Variants in ASB15 observed in about 807,000 individuals in gnomAD.
ASB15 encodes ankyrin repeat and SOCS box containing 15.
Under a neutral mutation model 58.0 loss-of-function variants are expected in ASB15, and 54 were observed. That is an observed-to-expected ratio of 0.93 (90% CI 0.75 to 1.17). The LOEUF is 1.17. Ranked by LOEUF, ASB15 falls within the 50% of genes most tolerant of loss-of-function variation. The pLI is 0.00. For synonymous variants in ASB15, 249 were observed against 262.4 expected (o/e 0.95, Z 0.50); for missense variants, 680 against 707.4 (o/e 0.96, Z 0.44).
chr7:123,580,559 G>A (rs998150092), intron 1 of ASB15, among the ~76,000 whole-genome samples: 2 of 152,008 alleles, frequency 1.3e-5, no homozygotes, highest in Non-Finnish European at 2.9e-5. Context: ...AATGCCATGA[G>A]GTTAAATGAG....
upstream of ASB15, among the ~76,000 whole-genome samples, chr7:123,599,098 A>G (rs1799792370): frequency 6.6e-6 from 1 of 152,220 alleles, no homozygotes; most frequent in Non-Finnish European, 1.5e-5. Flanking sequence ...ACTGACCCCA[A>G]GGCCAAAATA....
At position 123,616,281 on chromosome 7, in the gene ASB15, G is replaced by T. The variant is rs1800810754; in HGVS notation, c.160+8G>T. 6 of 1,609,706 alleles carry T rather than the reference G, an allele frequency of 3.7e-6. No homozygotes were observed. The highest frequency in any genetic ancestry group is 1.7e-5 in the Admixed American group (1 of 59,944). Reference sequence around the variant, plus strand: ...TGGAGGCCATAAAACAAGGTAAATGGGTGTACTATCTACAGTGGGATGGAC... The same window carrying T: ...TGGAGGCCATAAAACAAGGTAAATGTGTGTACTATCTACAGTGGGATGGAC... On this transcript the variant is annotated splice_region_variant and intron_variant, in intron 5 of 11. Transcript: ENST00000451215.
chr7:123,589,702 T>C (rs1799479814), intron 1 of ASB15, among the ~76,000 whole-genome samples: 1 of 152,178 alleles, frequency 6.6e-6, no homozygotes, highest in Non-Finnish European at 1.5e-5. Flanking sequence ...TGCCACATTT[T>C]CTTTATCCAG....
rs368912526 is a variant in ASB15, at chr7:123,574,364, C to G, written c.-443+7276C>G. On this transcript the variant is annotated intron_variant, in intron 1 of 13. Transcript: ENST00000451558. ...CAAATTTTAGTATATGTCGGAATCA[C>G]CTGAGGACTTGTTAAAACACAGATT... is the stretch of plus-strand genomic sequence containing the variant. Among the ~76,000 whole-genome samples, 9 of 152,250 alleles carry G rather than the reference C, an allele frequency of 5.9e-5. No individual in the cohort carries two copies. The East Asian group carries it at 9.7e-4, about 16-fold the overall frequency.
At chr7:123,634,938 A>G (rs34030532) in intron 11 of ASB15, among the ~76,000 whole-genome samples, 64,755 of 151,948 alleles carry the variant, frequency 0.43, 14,208 homozygotes, top group South Asian at 0.65. Flanking sequence ...AGTAGAGGAG[A>G]CAGTGGGACA....
intron 7 of ASB15, among the ~76,000 whole-genome samples, chr7:123,619,389 A>G (rs1204525729): frequency 6.6e-6 from 1 of 152,140 alleles, no homozygotes; most frequent in Non-Finnish European, 1.5e-5. Context: ...GTAAATCTGT[A>G]AAGACTTCAA....
At chr7:123,571,995 C>G (rs1191184256) in intron 1 of ASB15, among the ~76,000 whole-genome samples, 1 of 151,870 alleles carries the variant, frequency 6.6e-6, no homozygotes, top group Non-Finnish European at 1.5e-5. Flanking sequence ...GGGATCTTGC[C>G]CAGGCTAGTC....
intron 1 of ASB15, among the ~76,000 whole-genome samples, chr7:123,594,733 C>T (rs567701767): frequency 7.9e-5 from 12 of 152,246 alleles, no homozygotes; most frequent in African/African-American, 2.4e-4. Flanking sequence ...TCAGGCTACA[C>T]GGGGGTCAGG....
upstream of ASB15, among the ~76,000 whole-genome samples, chr7:123,601,218 T>G (rs546396299): frequency 1.3e-5 from 2 of 152,298 alleles, no homozygotes; most frequent in South Asian, 4.1e-4. Flanking sequence ...GAAAACAACC[T>G]TCCTCAATTA....
chr7:123,598,183 C>T (rs748560509), upstream of ASB15, among the ~76,000 whole-genome samples: 49 of 151,976 alleles, frequency 3.2e-4, no homozygotes, highest in Admixed American at 5.9e-4. Flanking sequence ...CATTTTATGT[C>T]CCTGGAAGTA....
chr7:123,617,652 T>C lies in ASB15; in HGVS notation c.366T>C (p.Gly122=), dbSNP rs943637203. Residue 122 remains glycine, a synonymous_variant, in exon 7 of 12, where the codon GGT becomes GGC. Transcript: ENST00000451215. The part of the protein sequence containing the change: ...ETPLTLAVKA[G]LVENVRTLLE... ...CCTTGACTTTGGCAGTCAAAGCTGG[T>C]CTGGTGGAAAATGTAAGAACTTTAT... 1.9e-6 allele frequency: 3 copies of C among 1,611,002 alleles called. No homozygotes were observed. The Admixed American group carries it at 5.0e-5, about 27-fold the overall frequency.
intron 11 of ASB15, among the ~76,000 whole-genome samples, chr7:123,635,900 G>A (rs1802403382): frequency 1.3e-5 from 2 of 151,924 alleles, no homozygotes; most frequent in African/African-American, 4.8e-5. Flanking sequence ...AAGATAAATT[G>A]TTTATATCAT....
chr7:123,637,012 A>G lies in ASB15; in HGVS notation c.*31A>G, dbSNP rs1459546107. The G allele has an allele frequency of 7.2e-7, 1 of 1,397,104 alleles. No homozygotes were observed. The highest frequency in any genetic ancestry group is 9.9e-7 in the Non-Finnish European group (1 of 1,010,290). The allele number at this position is 1,397,104 out of a possible 1,614,324, so 86.5% of individuals were successfully genotyped here. ...TATTTTAAAATGTGATTTAAAAAAAATGTTGAAATGTGATTCCCTCAGATA... is the reference window on the plus strand; with the variant it reads ...TATTTTAAAATGTGATTTAAAAAAAGTGTTGAAATGTGATTCCCTCAGATA... On this transcript the variant is annotated 3_prime_UTR_variant, in exon 12 of 12. Transcript: ENST00000451215.
chr7:123,604,975 A>T (rs1800071136), intron 2 of ASB15, among the ~76,000 whole-genome samples: 1 of 152,166 alleles, frequency 6.6e-6, no homozygotes, highest in Non-Finnish European at 1.5e-5. Flanking sequence ...ACAAAGGTTC[A>T]ACCGTTATAT....
At chr7:123,619,018 A>G (rs1410485497) in intron 7 of ASB15, among the ~76,000 whole-genome samples, 4 of 151,814 alleles carry the variant, frequency 2.6e-5, no homozygotes, top group African/African-American at 7.3e-5. Context: ...TACTAAAAAT[A>G]CAAAAACAAA....
chr7:123,580,116 G>T (rs769181081), intron 1 of ASB15, among the ~76,000 whole-genome samples: 1 of 151,982 alleles, frequency 6.6e-6, no homozygotes, highest in African/African-American at 2.4e-5. Context: ...TCTAAATTGG[G>T]TCTTAAATTA....
intron 3 of ASB15, among the ~76,000 whole-genome samples, chr7:123,611,776 T>C (rs1201309297): frequency 6.6e-6 from 1 of 152,178 alleles, no homozygotes; most frequent in African/African-American, 2.4e-5. Flanking sequence ...TAATGCTCCT[T>C]TGACTGACTG....
chr7:123,635,731 T>A (rs189791922), intron 11 of ASB15, among the ~76,000 whole-genome samples: 1 of 152,018 alleles, frequency 6.6e-6, no homozygotes. Flanking sequence ...TTGATTGCTA[T>A]GAGTGTGATT....
chr7:123,596,719 T>A (rs2116386899), intron 1 of ASB15, among the ~76,000 whole-genome samples: 1 of 152,378 alleles, frequency 6.6e-6, no homozygotes, highest in African/African-American at 2.4e-5. Flanking sequence ...TCTTCTATAG[T>A]ATGTACTGTT....
Sources: allele counts gnomAD v4.1 joint callset (sites outside exome capture counted in the v4.1 genomes callset), GRCh38; gene constraint gnomAD v4.1.1; transcripts MANE v1.5; gene names NCBI Gene and HGNC (gene_info 2026-07-23, HGNC 2026-07-21).